NFIL3: variants seen among roughly 807,000 people sequenced by gnomAD.
NFIL3 encodes the protein nuclear factor interleukin-3-regulated protein.
NFIL3 carries 5 observed loss-of-function variants against 10.0 expected under a neutral mutation model. The observed-to-expected ratio is 0.50, with a 90% CI of 0.26 to 1.06. The LOEUF (loss-of-function observed/expected upper bound fraction) is 1.06. NFIL3 is among the 50% of genes least tolerant of loss of function. The pLI is 0.13. For synonymous variants in NFIL3, 202 were observed against 206.5 expected (o/e 0.98, Z 0.19); for missense variants, 436 against 547.6 (o/e 0.80, Z 2.03).
the NFIL3 span, among the ~76,000 whole-genome samples, chr9:91,472,610 C>T: frequency 6.6e-6 from 1 of 152,136 alleles, no homozygotes. Flanking sequence ...TTAGTCTAAT[C>T]TTTTTTCAAG....
chr9:91,438,531 T>C, the NFIL3 span, among the ~76,000 whole-genome samples: 1 of 152,228 alleles, frequency 6.6e-6, no homozygotes, highest in Non-Finnish European at 1.5e-5. Context: ...TTACTTATCT[T>C]TACATTTGTA....
the NFIL3 span, among the ~76,000 whole-genome samples, chr9:91,473,099 C>T: frequency 6.6e-6 from 1 of 152,136 alleles, no homozygotes; most frequent in Admixed American, 6.5e-5. Context: ...AGAGAGTCAC[C>T]CAGCTATATG....
chr9:91,475,756 C>T, the NFIL3 span, among the ~76,000 whole-genome samples: 3 of 151,994 alleles, frequency 2.0e-5, no homozygotes, highest in African/African-American at 7.2e-5. Context: ...ACTCAAGATA[C>T]GAGGAAGTTT....
chr9:91,465,773 A>G, the NFIL3 span, among the ~76,000 whole-genome samples: 1 of 152,108 alleles, frequency 6.6e-6, no homozygotes, highest in East Asian at 1.9e-4. Flanking sequence ...TAATCTGTTC[A>G]GGAGTTGGGC....
At chr9:91,446,791 T>C in the NFIL3 span, among the ~76,000 whole-genome samples, 2 of 146,924 alleles carry the variant, frequency 1.4e-5, no homozygotes, top group Non-Finnish European at 3.0e-5. Context: ...CCTCCCTCCC[T>C]TTCTCTCTCT....
At chr9:91,467,930 C>G in the NFIL3 span, among the ~76,000 whole-genome samples, 3 of 152,144 alleles carry the variant, frequency 2.0e-5, no homozygotes, top group Non-Finnish European at 4.4e-5. Context: ...TTAATCCAGT[C>G]TATCACTGAT....
chr9:91,410,201 G>C lies in NFIL3; in HGVS notation c.534C>G (p.Val178=), dbSNP rs34121431. 2.1e-3 allele frequency: 3,336 copies of C among 1,614,034 alleles called. 72 individuals are homozygous for C. The African/African-American group carries it at 0.04, about 19-fold the overall frequency. ...GCGAGCTTTGTGGAGAGTGTTTAATGACAGAAATACAACTACTTGACACCA... is the reference window on the plus strand; with the variant it reads ...GCGAGCTTTGTGGAGAGTGTTTAATCACAGAAATACAACTACTTGACACCA... ...PSMVSSSCIS[V]IKHSPQSSLS... is the part of the protein sequence containing the mutation. The change falls in exon 2 of 2, where the codon GTC becomes GTG. Residue 178 remains valine (V), a synonymous_variant. Transcript: ENST00000297689. This position sits in a 1 kb window ranked among gnomAD's most constrained non-coding sequence, Gnocchi z 5.7.
the NFIL3 span, among the ~76,000 whole-genome samples, chr9:91,447,733 AC>A: frequency 6.6e-6 from 1 of 152,000 alleles, no homozygotes; most frequent in South Asian, 2.1e-4. Context: ...TTGATATTGA[AC>A]CCTTATGAGT....
the NFIL3 span, among the ~76,000 whole-genome samples, chr9:91,459,422 A>G: frequency 1.3e-5 from 2 of 152,204 alleles, no homozygotes; most frequent in African/African-American, 4.8e-5. Flanking sequence ...TTCCAAGGAC[A>G]TGTCCTAAGT....
chr9:91,425,000 G>T (rs1833854640), upstream of NFIL3, among the ~76,000 whole-genome samples: 1 of 152,198 alleles, frequency 6.6e-6, no homozygotes, highest in African/African-American at 2.4e-5. Context: ...CACTCCCTGC[G>T]TTTACCGATA....
At chr9:91,473,266 C>A in the NFIL3 span, among the ~76,000 whole-genome samples, 2 of 152,238 alleles carry the variant, frequency 1.3e-5, no homozygotes, top group Non-Finnish European at 2.9e-5. Context: ...TTTAAGTCTG[C>A]AGAAGTTTCT....
chr9:91,431,454 G>A, the NFIL3 span, among the ~76,000 whole-genome samples: 4 of 152,122 alleles, frequency 2.6e-5, no homozygotes, highest in Admixed American at 6.5e-5. Flanking sequence ...CGTCTTGGGC[G>A]CATCACATAT....
the NFIL3 span, among the ~76,000 whole-genome samples, chr9:91,457,050 G>C: frequency 1.3e-5 from 2 of 151,832 alleles, no homozygotes; most frequent in African/African-American, 4.8e-5. Context: ...TTCTATTTCT[G>C]GACTCTTTAT....
At chr9:91,473,952 T>C in the NFIL3 span, among the ~76,000 whole-genome samples, 1 of 152,208 alleles carries the variant, frequency 6.6e-6, no homozygotes, top group African/African-American at 2.4e-5. Context: ...TTTCTTATCT[T>C]ATTGCATTAG....
chr9:91,440,347 G>A, the NFIL3 span, among the ~76,000 whole-genome samples: 67 of 152,008 alleles, frequency 4.4e-4, no homozygotes, highest in East Asian at 5.2e-3. Flanking sequence ...TGAGGCATCC[G>A]TGTAATATCT....
chr9:91,419,002 A>G (rs1036148448), intron 1 of NFIL3, among the ~76,000 whole-genome samples: 11 of 152,316 alleles, frequency 7.2e-5, no homozygotes, highest in African/African-American at 2.6e-4. Flanking sequence ...ACATTCTCAT[A>G]CAAGTCCAAC....
the NFIL3 span, among the ~76,000 whole-genome samples, chr9:91,448,078 T>G: frequency 6.6e-6 from 1 of 152,232 alleles, no homozygotes; most frequent in Non-Finnish European, 1.5e-5. Flanking sequence ...AAAGAGAATA[T>G]TCTTTCCACA....
At chr9:91,473,561 G>T in the NFIL3 span, among the ~76,000 whole-genome samples, 1 of 152,246 alleles carries the variant, frequency 6.6e-6, no homozygotes, top group Non-Finnish European at 1.5e-5. Flanking sequence ...AAGACAGTTG[G>T]AAAAGCACAC....
the NFIL3 span, among the ~76,000 whole-genome samples, chr9:91,457,969 T>C: frequency 1.3e-5 from 2 of 152,236 alleles, no homozygotes; most frequent in Non-Finnish European, 2.9e-5. Flanking sequence ...GTAGATTGCA[T>C]TGATTTTCAA....
Sources: allele counts gnomAD v4.1 joint callset (sites outside exome capture counted in the v4.1 genomes callset), GRCh38; gene constraint gnomAD v4.1.1; non-coding constraint Gnocchi (gnomAD v3.1); transcripts MANE v1.5; gene names NCBI Gene and HGNC (gene_info 2026-07-23, HGNC 2026-07-21).